The following PPP1R12A variants were observed in gnomAD, a reference collection of about 807,000 sequenced individuals.
PPP1R12A encodes the protein myosin binding subunit.
Under a neutral mutation model 139.6 loss-of-function variants are expected in PPP1R12A, and 19 were observed. The ratio of observed to expected loss-of-function variants is 0.14; its 90% confidence interval spans 0.09 to 0.20. The LOEUF (loss-of-function observed/expected upper bound fraction) is 0.20, where lower values mean the gene tolerates loss of function less well. Ranked by LOEUF, PPP1R12A falls within the 10% of genes least tolerant of loss-of-function variation. The pLI is 1.00. For missense variants in PPP1R12A, 925 were observed against 1,211.5 expected, an observed-to-expected ratio of 0.76 and a Z score of 3.51; for synonymous variants, 427 against 420.6, an observed-to-expected ratio of 1.02 and a Z score of -0.19.
intron 1 of PPP1R12A, among the ~76,000 whole-genome samples, chr12:79,902,694 A>G (rs938298901): frequency 5.3e-5 from 8 of 152,114 alleles, no homozygotes; most frequent in African/African-American, 1.7e-4. Context: ...TTTTTAACTA[A>G]TTCTACCAAA....
In PPP1R12A at chr12:79,788,787, C is replaced by A; in HGVS notation, c.2667-4G>T. 6.3e-7 allele frequency: 1 copy of A among 1,583,170 alleles called. No individual in the cohort carries two copies. Among genetic ancestry groups the A allele is most frequent in the Non-Finnish European group, 8.6e-7 (1 of 1,164,868 alleles). ...TGATGTAGAACTGGTTTCATATCTT[C>A]AAAAGATTAATTTAAATAAAAAACC... On this transcript the variant is annotated splice_polypyrimidine_tract_variant and splice_region_variant and intron_variant, in intron 20 of 24. Coordinates refer to ENST00000450142, the MANE Select transcript of PPP1R12A (RefSeq NM_002480.3).
At chr12:79,807,383 A>C in intron 11 of PPP1R12A, 53 bp from the exon 12 acceptor site, 1 of 1,135,910 alleles carries the variant, frequency 8.8e-7, no homozygotes, top group Non-Finnish European at 1.3e-6. Context: ...AATAGGATTA[A>C]GAAAGCGGTA....
At chr12:79,926,868 C>T (rs542676068) in intron 1 of PPP1R12A, among the ~76,000 whole-genome samples, 5 of 151,804 alleles carry the variant, frequency 3.3e-5, no homozygotes, top group East Asian at 1.9e-4. Flanking sequence ...TGTACATGTA[C>T]GTATGTATAA....
chr12:79,874,285 A>AC (rs2137342960), intron 1 of PPP1R12A, among the ~76,000 whole-genome samples: 1 of 152,240 alleles, frequency 6.6e-6, no homozygotes, highest in East Asian at 1.9e-4. Context: ...AAAAAAAAAA[A>AC]AAAGAAAAGC....
chr12:79,828,610 T>C (rs1441307562), intron 4 of PPP1R12A, 146 bp from the exon 5 acceptor site: 16 of 664,130 alleles, frequency 2.4e-5, no homozygotes, highest in African/African-American at 3.7e-5. Context: ...GAATTAACTA[T>C]GGCAAATACA....
intron 14 of PPP1R12A, among the ~76,000 whole-genome samples, chr12:79,804,666 T>C (rs1233889173): frequency 6.6e-6 from 1 of 151,860 alleles, no homozygotes; most frequent in Non-Finnish European, 1.5e-5. Context: ...ATTAGTTACA[T>C]AGTTCATTTA....
At chr12:79,933,742 G>T (rs371879068) in intron 1 of PPP1R12A, among the ~76,000 whole-genome samples, 1 of 152,162 alleles carries the variant, frequency 6.6e-6, no homozygotes, top group Non-Finnish European at 1.5e-5. Context: ...ATTGCCAATA[G>T]TTTCTCCTTA....
In PPP1R12A at chr12:79,879,197, C is replaced by A. The variant is rs543053681; in HGVS notation, c.238-6259G>T. ...GAGTTCAAGACCAGCCTGGCCAACA[C>A]GGCAAAACCCCGTCTCTACTAAAAA... On this transcript the variant is annotated intron_variant, in intron 1 of 24. Transcript: ENST00000450142. Among the ~76,000 whole-genome samples, 4 of 151,996 alleles carry A rather than the reference C, an allele frequency of 2.6e-5. No individual in the cohort carries two copies. In the East Asian group the frequency reaches 5.8e-4, roughly 22 times the overall value.
chr12:79,919,166 T>G (rs1887235589), intron 1 of PPP1R12A, among the ~76,000 whole-genome samples: 1 of 152,028 alleles, frequency 6.6e-6, no homozygotes, highest in East Asian at 1.9e-4. Flanking sequence ...CATGCTATTT[T>G]CCCTCTCTCT....
chr12:79,923,264 ACTT>A (rs1252590900), intron 1 of PPP1R12A, among the ~76,000 whole-genome samples: 1 of 152,198 alleles, frequency 6.6e-6, no homozygotes, highest in African/African-American at 2.4e-5. Context: ...GCTGAGGGAG[ACTT>A]CGTCTCAAAA....
At chr12:79,886,210 G>C (rs954616083) in intron 1 of PPP1R12A, among the ~76,000 whole-genome samples, 1 of 152,002 alleles carries the variant, frequency 6.6e-6, no homozygotes, top group African/African-American at 2.4e-5. Context: ...AGGAATTATG[G>C]GTGTGGTTTA....
At chr12:79,896,611 C>T (rs1885154960) in intron 1 of PPP1R12A, among the ~76,000 whole-genome samples, 1 of 152,166 alleles carries the variant, frequency 6.6e-6, no homozygotes, top group Admixed American at 6.5e-5. Flanking sequence ...GAGATTAAGG[C>T]GTAAGCCACT....
intron 5 of PPP1R12A, among the ~76,000 whole-genome samples, chr12:79,822,661 A>G (rs1876259332): frequency 6.6e-6 from 1 of 152,134 alleles, no homozygotes; most frequent in Non-Finnish European, 1.5e-5. Flanking sequence ...ATCATAGAAT[A>G]TATGGTTCTT....
chr12:79,836,333 C>T (rs1402598937), intron 3 of PPP1R12A, among the ~76,000 whole-genome samples: 1 of 152,108 alleles, frequency 6.6e-6, no homozygotes, highest in African/African-American at 2.4e-5. Flanking sequence ...TACTCTCTTA[C>T]TGTCTTTTAA....
rs889539304 is a variant in PPP1R12A at position 79,923,416 on chromosome 12, C to T, written c.237+11279G>A. 7.2e-5 allele frequency among the ~76,000 whole-genome samples: 11 copies of T among 152,196 alleles called. No homozygotes were observed. The South Asian group carries it at 8.3e-4, about 11-fold the overall frequency. Reference sequence around the variant, plus strand: ...ATGCACATGCACACACAATGGAATACGATACACTCATTAAAAGGGAAAATG... The same window carrying T: ...ATGCACATGCACACACAATGGAATATGATACACTCATTAAAAGGGAAAATG... On this transcript the variant is annotated intron_variant, in intron 1 of 24. Transcript: ENST00000450142.
chr12:79,883,019 C>A (rs1883782441), intron 1 of PPP1R12A, among the ~76,000 whole-genome samples: 1 of 152,068 alleles, frequency 6.6e-6, no homozygotes, highest in Non-Finnish European at 1.5e-5. Flanking sequence ...CACCTATAAT[C>A]CCAGCTACTC....
chr12:79,854,628 C>T (rs1439985275), intron 2 of PPP1R12A, among the ~76,000 whole-genome samples: 1 of 152,116 alleles, frequency 6.6e-6, no homozygotes, highest in African/African-American at 2.4e-5. Context: ...TGTGTGATTT[C>T]TCTCTATGAC....
intron 1 of PPP1R12A, among the ~76,000 whole-genome samples, chr12:79,873,311 G>A (rs1882758481): frequency 1.3e-5 from 2 of 151,844 alleles, no homozygotes. Flanking sequence ...GTTGATTAGG[G>A]CAAAACTGTT....
intron 2 of PPP1R12A, among the ~76,000 whole-genome samples, chr12:79,870,997 T>C (rs1882510745): frequency 6.6e-6 from 1 of 152,188 alleles, no homozygotes; most frequent in Non-Finnish European, 1.5e-5. Flanking sequence ...AATCCATTTT[T>C]TTTTTATTTG....
Sources: allele counts gnomAD v4.1 joint callset (sites outside exome capture counted in the v4.1 genomes callset), GRCh38; gene constraint gnomAD v4.1.1; transcripts MANE v1.5; gene names NCBI Gene and HGNC (gene_info 2026-07-23, HGNC 2026-07-21).